TMEM209: variants seen among roughly 807,000 people sequenced by gnomAD.
TMEM209 encodes the protein testicular tissue protein Li 202.
TMEM209 carries 65 observed loss-of-function variants against 76.2 expected under a neutral mutation model. That is an observed-to-expected ratio of 0.85 (90% CI 0.70 to 1.05). TMEM209 has a LOEUF of 1.05. Among genes scored for constraint, TMEM209 ranks in the 50% least tolerant of loss-of-function variants. The probability of loss-of-function intolerance (pLI) is 0.00; values close to 1 mark genes in which losing one functional copy is unlikely to be tolerated. For synonymous variants in TMEM209, 239 were observed against 237.6 expected, an observed-to-expected ratio of 1.01 and a Z score of -0.06; for missense variants, 623 against 685.5, an observed-to-expected ratio of 0.91 and a Z score of 1.02.
Position 130,201,836 on chromosome 7 carries a change from AAG to A in TMEM209, c.573+12_573+13del, listed in dbSNP as rs763196433. ...CTAAAATAATGTGACTAGACAAGAG[AAG>A]AGAGTCATTACCTTATTATAACCAC... On this transcript the variant is annotated intron_variant, in intron 5 of 14. Transcript: ENST00000397622. 7.6e-5 allele frequency: 123 copies of A among 1,613,674 alleles called. No homozygotes were observed. Among genetic ancestry groups the A allele is most frequent in the Non-Finnish European group, 1.0e-4 (118 of 1,179,834 alleles).
chr7:130,186,753 T>C (rs936039108), intron 6 of TMEM209, among the ~76,000 whole-genome samples: 1 of 151,534 alleles, frequency 6.6e-6, no homozygotes, highest in East Asian at 1.9e-4. Context: ...AATGACAAAA[T>C]AGGGCCTTTC....
rs776427719 is a variant in TMEM209, at chr7:130,203,849, G to A, written c.141-3C>T. 4.4e-6 allele frequency: 7 copies of A among 1,593,480 alleles called. No individual in the cohort carries two copies. The highest frequency in any genetic ancestry group is 6.0e-6 in the Non-Finnish European group (7 of 1,169,708). ...ATGAACTAATCAATTTTCCAGTCCT[G>A]AAAAAAAATTAGAAAGGCTTTCCAG... On this transcript the variant is annotated splice_region_variant and splice_polypyrimidine_tract_variant and intron_variant, in intron 2 of 14. Coordinates refer to ENST00000397622, the MANE Select transcript of TMEM209 (RefSeq NM_032842.4).
chr7:130,189,103 A>T (rs1327100816), intron 6 of TMEM209, among the ~76,000 whole-genome samples: 1 of 152,200 alleles, frequency 6.6e-6, no homozygotes, highest in African/African-American at 2.4e-5. Context: ...AAGAAAAAAA[A>T]AGCACTACAA....
intron 13 of TMEM209, among the ~76,000 whole-genome samples, chr7:130,171,822 G>A (rs947415005): frequency 2.6e-5 from 4 of 152,128 alleles, no homozygotes; most frequent in African/African-American, 7.2e-5. Flanking sequence ...GAGGTCAGGA[G>A]ATCAAGACCA....
At position 130,202,582 on chromosome 7, in the gene TMEM209, CTTG is replaced by C. The variant is rs766482632; in HGVS notation, c.278_280del (p.Thr93del). 11 of 1,613,632 alleles carry C rather than the reference CTTG, an allele frequency of 6.8e-6. No individual in the cohort carries two copies. In the South Asian group the frequency reaches 1.2e-4, roughly 18 times the overall value. Reference sequence around the variant, plus strand: ...TTGCTGTCCAGGACTAACAACCAGACTTGTTGGTGCCACAGTATATTTGAAATA... The same window carrying C: ...TTGCTGTCCAGGACTAACAACCAGACTTGGTGCCACAGTATATTTGAAATA... On this transcript the variant is annotated inframe_deletion, in exon 4 of 15. Transcript: ENST00000397622.
At chr7:130,179,805 A>T (rs1311338358) in intron 9 of TMEM209, among the ~76,000 whole-genome samples, 15 of 152,266 alleles carry the variant, frequency 9.9e-5, no homozygotes, top group Non-Finnish European at 2.1e-4. Context: ...TCTCTACAAA[A>T]ATACAAAAAT....
At chr7:130,183,396 A>C (rs1797489651) in intron 8 of TMEM209, among the ~76,000 whole-genome samples, 1 of 152,206 alleles carries the variant, frequency 6.6e-6, no homozygotes, top group African/African-American at 2.4e-5. Flanking sequence ...TTATCCATAA[A>C]ATGCCATCCA....
chr7:130,184,293 GA>G, intron 7 of TMEM209, 38 bp from the exon 8 acceptor site: 1 of 1,389,398 alleles, frequency 7.2e-7, no homozygotes. Context: ...AATCAGTGAG[GA>G]AAAATCTTGA....
At position 130,173,889 on chromosome 7, in the gene TMEM209, A is replaced by T. The variant is rs1467524231; in HGVS notation, c.1395T>A (p.His465Gln). The change falls in exon 12 of 15, where the codon CAT (histidine) becomes CAA (glutamine). Residue 465 changes from histidine to glutamine, a missense_variant. His to Gln is a conservative substitution (Grantham distance 24). Transcript: ENST00000397622. ...AAGTTTTTCCGTCGGGATACTTCGGATGTGGAGGTAATCTGGAATCAAGGT... is the reference window on the plus strand; with the variant it reads ...AAGTTTTTCCGTCGGGATACTTCGGTTGTGGAGGTAATCTGGAATCAAGGT... Reference protein sequence around the residue: ...CTYLDSRLPPHPKYPDGKTFT... With the variant: ...CTYLDSRLPPQPKYPDGKTFT... 6.2e-7 allele frequency: 1 copy of T among 1,613,938 alleles called. No individual in the cohort carries two copies. The highest frequency in any genetic ancestry group is 1.7e-5 in the Admixed American group (1 of 60,018).
At chr7:130,169,656 C>T (rs909989570) in intron 14 of TMEM209, among the ~76,000 whole-genome samples, 1 of 152,106 alleles carries the variant, frequency 6.6e-6, no homozygotes, top group Admixed American at 6.5e-5. Flanking sequence ...AAATTACAAA[C>T]AGGATGCTAT....
Position 130,165,699 on chromosome 7 carries a change from TAAAAAAAAAAA to T in TMEM209, c.*741_*751del, listed in dbSNP as rs11435679. The T allele has an allele frequency of 1.5e-5, 2 of 131,728 alleles. No individual in the cohort carries two copies. Among genetic ancestry groups the T allele is most frequent in the Non-Finnish European group, 3.3e-5 (2 of 60,664 alleles). 8.2% of individuals were successfully genotyped at this position (131,728 alleles called of 1,614,324 possible). Reference sequence around the variant, plus strand: ...AACTTGCAGAATGCTGGGGAAACATTAAAAAAAAAAAAAAAAAAACTAAATCAGCAATTTTC... The same window carrying T: ...AACTTGCAGAATGCTGGGGAAACATTAAAAAAAACTAAATCAGCAATTTTC... On this transcript the variant is annotated 3_prime_UTR_variant, in exon 15 of 15. Coordinates refer to ENST00000397622, the MANE Select transcript of TMEM209 (RefSeq NM_032842.4).
chr7:130,174,963 A>G (rs1797186982), intron 11 of TMEM209, among the ~76,000 whole-genome samples: 1 of 152,210 alleles, frequency 6.6e-6, no homozygotes, highest in African/African-American at 2.4e-5. Flanking sequence ...AATTTTACAT[A>G]CCGGAGAATT....
intron 5 of TMEM209, among the ~76,000 whole-genome samples, chr7:130,196,231 C>CTTAA (rs1797966434): frequency 6.6e-6 from 1 of 151,844 alleles, no homozygotes; most frequent in South Asian, 2.1e-4. Context: ...AATAATAAAA[C>CTTAA]TTAAGGGCCC....
intron 1 of TMEM209, 108 bp downstream of exon 1, chr7:130,205,265 T>C: frequency 6.2e-7 from 1 of 1,610,936 alleles, no homozygotes; most frequent in Non-Finnish European, 8.5e-7. Context: ...GCGGAACGCC[T>C]AGCCACATCC....
At position 130,184,255 on chromosome 7, in the gene TMEM209, C is replaced by G; in HGVS notation, c.952G>C (p.Val318Leu). 6.3e-7 allele frequency: 1 copy of G among 1,595,300 alleles called. No homozygotes were observed. The highest frequency in any genetic ancestry group is 8.5e-7 in the Non-Finnish European group (1 of 1,171,698). Residue 318 changes from valine to leucine, a missense_variant and splice_region_variant, in exon 8 of 15, where the codon GTC becomes CTC. By Grantham distance (32) the Val-to-Leu change is conservative. Transcript: ENST00000397622. ...CTATTCATAGCCACTCTTGCCCAGA[C>G]CTATAAAAATTCATGTTTAAAATGA... ...DLSSKQAAEEVWARVAMNRQL... is the reference protein window; with the variant it reads ...DLSSKQAAEELWARVAMNRQL...
intron 5 of TMEM209, 79 bp from the exon 6 acceptor site, chr7:130,192,902 C>G: frequency 7.2e-7 from 1 of 1,393,934 alleles, no homozygotes; most frequent in Non-Finnish European, 9.9e-7. Context: ...TTAAGTAAAA[C>G]ACCTAGTAGA....
At chr7:130,174,847 A>C (rs1318355303) in intron 11 of TMEM209, among the ~76,000 whole-genome samples, 1 of 152,188 alleles carries the variant, frequency 6.6e-6, no homozygotes, top group African/African-American at 2.4e-5. Flanking sequence ...CTATAGGAGA[A>C]TAGTTAAATG....
intron 6 of TMEM209, among the ~76,000 whole-genome samples, chr7:130,186,195 A>C (rs1457144683): frequency 6.6e-6 from 1 of 152,238 alleles, no homozygotes; most frequent in Non-Finnish European, 1.5e-5. Flanking sequence ...TTATACCCTC[A>C]AACAAAACTT....
intron 9 of TMEM209, 145 bp from the exon 10 acceptor site, chr7:130,178,672 C>A: frequency 2.3e-6 from 2 of 856,212 alleles, no homozygotes; most frequent in Non-Finnish European, 3.5e-6. Context: ...CCCCTGACGA[C>A]CCTACCTCAA....
Sources: allele counts gnomAD v4.1 joint callset (sites outside exome capture counted in the v4.1 genomes callset), GRCh38; gene constraint gnomAD v4.1.1; transcripts MANE v1.5; gene names NCBI Gene and HGNC (gene_info 2026-07-23, HGNC 2026-07-21).